Variants in ELFN1 observed in about 807,000 individuals in gnomAD.
The protein encoded by ELFN1 is extracellular leucine rich repeat and fibronectin type III domain containing 1.
ELFN1 carries 6 observed loss-of-function variants against 7.6 expected under a neutral mutation model. That is an observed-to-expected ratio of 0.79 (90% confidence interval 0.43 to 1.56). The LOEUF is 1.56. ELFN1 is among the 40% of genes most tolerant of loss of function. ELFN1 has a pLI of 0.01. For synonymous variants in ELFN1, 657 were observed against 588.1 expected (o/e 1.12, Z -1.70); for missense variants, 1,169 against 1,232.2 (o/e 0.95, Z 0.77).
chr7:1,673,205 A>G lies in ELFN1; in HGVS notation c.-549+2851A>G, dbSNP rs906124697. On this transcript the variant is annotated intron_variant, in intron 1 of 3. Transcript: ENST00000424383. The surrounding 1 kb of genome is among the most constrained non-coding windows in gnomAD (Gnocchi z 4.7). ...GGGTGGCTGGTGGTGGAGCCACTGC[A>G]GTGGACGATGGCGCCATCCATTCCA... Among the ~76,000 whole-genome samples the G allele has an allele frequency of 6.6e-6, 1 of 151,996 alleles. No individual in the cohort carries two copies. The highest frequency in any genetic ancestry group is 1.5e-5 in the Non-Finnish European group (1 of 67,998).
chr7:1,745,927 G>C lies in ELFN1; in HGVS notation c.1331G>C (p.Arg444Pro), dbSNP rs563858883. 1.3e-6 allele frequency: 2 copies of C among 1,563,858 alleles called. No homozygotes were observed. Among genetic ancestry groups the C allele is most frequent in the South Asian group, 2.4e-5 (2 of 85,096 alleles). The change falls in exon 4 of 4, where the codon CGG becomes CCG. Residue 444 changes from arginine to proline, a missense_variant. This residue lies in a region of ELFN1 where 914 missense variants were observed against 872.6 expected (regional missense o/e 1.05). Transcript: ENST00000424383. ...GTCTACTACTGCCTGCGCAGGCGGC[G>C]GCGCCAGGAGGAGAAGCACAAGAAG... Reference protein sequence around the residue: ...GAVYYCLRRRRRQEEKHKKAA... With the variant: ...GAVYYCLRRRPRQEEKHKKAA...
intron 3 of ELFN1, among the ~76,000 whole-genome samples, chr7:1,717,758 G>T (rs1259991200): frequency 6.6e-6 from 1 of 152,176 alleles, no homozygotes; most frequent in Admixed American, 6.5e-5. Flanking sequence ...CACGTGGCAT[G>T]TGCAGCATAT....
intron 2 of ELFN1, among the ~76,000 whole-genome samples, chr7:1,699,264 G>A (rs1295706046): frequency 2.0e-5 from 3 of 152,190 alleles, no homozygotes; most frequent in African/African-American, 4.8e-5. Context: ...CCGCACATGT[G>A]TTTTGTAGAG....
chr7:1,747,288 C>G lies in ELFN1; in HGVS notation c.*205C>G, dbSNP rs1454507871. ...CGGTCCTGGGATGCGCTTGTCGCCCCGGGTGGCACGTGTCCACACACACAC... is the reference window on the plus strand; with the variant it reads ...CGGTCCTGGGATGCGCTTGTCGCCCGGGGTGGCACGTGTCCACACACACAC... On this transcript the variant is annotated 3_prime_UTR_variant, in exon 4 of 4. Transcript: ENST00000424383. 7.9e-6 allele frequency: 3 copies of G among 380,806 alleles called. No homozygotes were observed. The highest frequency in any genetic ancestry group is 5.2e-5 in the Admixed American group (1 of 19,150). The allele number at this position is 380,806 out of a possible 1,614,324, so 23.6% of individuals were successfully genotyped here. A position where few individuals can be genotyped will look rare whatever the true frequency, so the allele number is the denominator to read the frequency against.
At chr7:1,709,833 G>A (rs1278505602) in intron 3 of ELFN1, among the ~76,000 whole-genome samples, 3 of 152,238 alleles carry the variant, frequency 2.0e-5, no homozygotes, top group Non-Finnish European at 4.4e-5. Context: ...GTTATGCTGT[G>A]TCTTTTCTGA....
In ELFN1 at chr7:1,707,073, C is replaced by T. The variant is rs113930762; in HGVS notation, c.-455-2018C>T. Reference sequence around the variant, plus strand: ...TCTGTGTACACTCACAGTCTGCTTGCGACGGTAATGGAGAGTGAAAAGCTC... The same window carrying T: ...TCTGTGTACACTCACAGTCTGCTTGTGACGGTAATGGAGAGTGAAAAGCTC... On this transcript the variant is annotated intron_variant, in intron 2 of 3. Transcript: ENST00000424383. Among the ~76,000 whole-genome samples, 851 of 152,258 alleles carry T rather than the reference C, an allele frequency of 5.6e-3. 9 individuals carry two copies. The highest frequency in any genetic ancestry group is 0.019 in the African/African-American group (785 of 41,494).
intron 3 of ELFN1, among the ~76,000 whole-genome samples, chr7:1,712,011 G>A (rs1026319839): frequency 5.3e-5 from 8 of 152,230 alleles, no homozygotes; most frequent in African/African-American, 9.6e-5. Flanking sequence ...TGGGCTGTGC[G>A]GACCCCAGGC....
chr7:1,721,991 T>G (rs1780036748), intron 3 of ELFN1, among the ~76,000 whole-genome samples: 1 of 152,174 alleles, frequency 6.6e-6, no homozygotes, highest in Admixed American at 6.5e-5. Context: ...ATCCCATCCT[T>G]TACTACAACA....
intron 2 of ELFN1, among the ~76,000 whole-genome samples, chr7:1,700,339 G>A (rs992950726): frequency 6.6e-6 from 1 of 152,222 alleles, no homozygotes; most frequent in South Asian, 2.1e-4. Flanking sequence ...AGAGGCTTCT[G>A]GCGCTTTCTT....
intron 1 of ELFN1, among the ~76,000 whole-genome samples, chr7:1,679,100 C>T (rs987220866): frequency 4.6e-5 from 7 of 152,112 alleles, no homozygotes; most frequent in African/African-American, 1.7e-4. Flanking sequence ...GATGTTGGCA[C>T]CTACTCAGCT....
At chr7:1,711,579 A>AGT (rs1233122076) in intron 3 of ELFN1, among the ~76,000 whole-genome samples, 20 of 15,768 alleles carry the variant, frequency 1.3e-3, no homozygotes, top group African/African-American at 7.4e-3. Context: ...AGAGAGTGAG[A>AGT]GAGAGAGAGA....
chr7:1,723,097 G>T (rs1780073468), intron 3 of ELFN1, among the ~76,000 whole-genome samples: 1 of 152,324 alleles, frequency 6.6e-6, no homozygotes, highest in Non-Finnish European at 1.5e-5. Flanking sequence ...GGGAGGCTGA[G>T]GCAGGAGAAT....
At chr7:1,727,818 G>A (rs1000276417) in intron 3 of ELFN1, among the ~76,000 whole-genome samples, 1 of 152,122 alleles carries the variant, frequency 6.6e-6, no homozygotes, top group African/African-American at 2.4e-5. Flanking sequence ...TTGTTGCCCA[G>A]TCGGATCTTG....
intron 2 of ELFN1, among the ~76,000 whole-genome samples, chr7:1,701,264 C>T (rs889316249): frequency 4.6e-5 from 7 of 152,020 alleles, no homozygotes; most frequent in Non-Finnish European, 8.8e-5. Context: ...CGGCTCACTG[C>T]ACCCTTGACC....
At chr7:1,671,138 G>T (rs1778757594) in intron 1 of ELFN1, among the ~76,000 whole-genome samples, 1 of 151,408 alleles carries the variant, frequency 6.6e-6, no homozygotes, top group Admixed American at 6.6e-5. Flanking sequence ...CTGAGGGTGG[G>T]GCGGGGGGCA....
intron 1 of ELFN1, among the ~76,000 whole-genome samples, chr7:1,675,780 G>C (rs767836065): frequency 6.6e-6 from 1 of 152,242 alleles, no homozygotes; most frequent in Non-Finnish European, 1.5e-5. Flanking sequence ...TGCCTTCACA[G>C]TCCCGCGCTG....
chr7:1,699,392 C>T (rs1272714133), intron 2 of ELFN1, among the ~76,000 whole-genome samples: 1 of 152,172 alleles, frequency 6.6e-6, no homozygotes, highest in Non-Finnish European at 1.5e-5. Context: ...AATCCCAGCA[C>T]TTTGGGAGGC....
In ELFN1 at chr7:1,744,427, C is replaced by T; in HGVS notation, c.-170C>T. 1.4e-6 allele frequency: 1 copy of T among 732,428 alleles called. No homozygotes were observed. The allele number at this position is 732,428 out of a possible 1,614,324, so 45.4% of individuals were successfully genotyped here. Reference sequence around the variant, plus strand: ...GAGGCGGCCGGCCGTGAGGGAGGCGCCCTCCCTCCCCGCGCTTACGTCGCG... The same window carrying T: ...GAGGCGGCCGGCCGTGAGGGAGGCGTCCTCCCTCCCCGCGCTTACGTCGCG... On this transcript the variant is annotated 5_prime_UTR_variant, in exon 4 of 4. Coordinates refer to ENST00000424383, the MANE Select transcript of ELFN1 (RefSeq NM_001128636.4).
chr7:1,681,626 A>T (rs1215941494), intron 1 of ELFN1, among the ~76,000 whole-genome samples: 1 of 152,188 alleles, frequency 6.6e-6, no homozygotes, highest in Non-Finnish European at 1.5e-5. Flanking sequence ...GGCCTCCCAA[A>T]GTGTGTGCCA....
Sources: gnomAD v4.1 joint callset for allele counts (sites outside exome capture counted in the v4.1 genomes callset) on GRCh38, gnomAD v4.1.1 for gene constraint, gnomAD v4.1.1 regional missense constraint, Gnocchi (gnomAD v3.1) non-coding constraint, MANE v1.5 for transcripts, NCBI Gene and HGNC (gene_info 2026-07-23, HGNC 2026-07-21) for gene names.